The following USP5 variants were observed in gnomAD, a reference collection of about 807,000 sequenced individuals.
The protein encoded by USP5 is ubiquitin carboxyl-terminal hydrolase 5.
Under a neutral mutation model 102.5 loss-of-function variants are expected in USP5, and 24 were observed. The ratio of observed to expected loss-of-function variants is 0.23; its 90% CI spans 0.17 to 0.33. USP5 has a LOEUF of 0.33. Among genes scored for constraint, USP5 ranks in the 10% least tolerant of loss-of-function variants. USP5 has a pLI of 1.00. For missense variants in USP5, 753 were observed against 1,122.1 expected (o/e 0.67, Z 4.70); for synonymous variants, 460 against 434.8 (o/e 1.06, Z -0.72).
At position 6,855,711 on chromosome 12, in the gene USP5, C is replaced by T. The variant is rs1348677156; in HGVS notation, c.238-44C>T. 6.8e-6 allele frequency: 11 copies of T among 1,612,338 alleles called. No homozygotes were observed. Among genetic ancestry groups the T allele is most frequent in the Middle Eastern group, 1.6e-4 (1 of 6,080 alleles). ...CGTCCCTCCTCCCGACTTGTTCCTT[C>T]GCTCGTGCTCATTGCTGATCCAGCC... On this transcript the variant is annotated intron_variant, in intron 2 of 19. Coordinates refer to ENST00000229268, the MANE Select transcript of USP5 (RefSeq NM_001098536.2). The surrounding 1 kb of genome is among the most constrained non-coding windows in gnomAD (Gnocchi z 4.6).
chr12:6,852,315 A>AC lies in USP5; in HGVS notation c.111+26dup, dbSNP rs782350513. The AC allele has an allele frequency of 2.0e-5, 31 of 1,586,998 alleles. 1 individual carries two copies. Among genetic ancestry groups the AC allele is most frequent in the South Asian group, 3.4e-5 (3 of 87,346 alleles). On this transcript the variant is annotated intron_variant, in intron 1 of 19. Coordinates refer to ENST00000229268, the MANE Select transcript of USP5 (RefSeq NM_001098536.2). ...GGTAAGCCCATTCCCCACGCCCGCAACGAGCACGACTTCCTTCCATCGCCC... is the reference window on the plus strand; with the variant it reads ...GGTAAGCCCATTCCCCACGCCCGCAACCGAGCACGACTTCCTTCCATCGCCC...
Position 6,861,120 on chromosome 12 carries a change from T to A in USP5, c.1498+14T>A, listed in dbSNP as rs1944265331. The A allele has an allele frequency of 6.2e-7, 1 of 1,613,670 alleles. No individual in the cohort carries two copies. The highest frequency in any genetic ancestry group is 8.5e-7 in the Non-Finnish European group (1 of 1,179,744). On this transcript the variant is annotated intron_variant, in intron 12 of 19. Transcript: ENST00000229268. This position sits in a 1 kb window ranked among gnomAD's most constrained non-coding sequence, Gnocchi z 4.9. ...CCCTTAACAAAGGTAGGCTGCTCCA[T>A]CAGCAAGGCCGTGGCACGGTGGGAG...
intron 9 of USP5, 63 bp downstream of exon 9, chr12:6,859,604 C>G: frequency 1.3e-6 from 2 of 1,517,146 alleles, no homozygotes; most frequent in Non-Finnish European, 1.8e-6. Context: ...CTTCCTCCTC[C>G]CTGACCGCCT....
rs372791540 is a variant in USP5, at chr12:6,864,005, G to A, written c.2098+32G>A. 25 of 1,580,386 alleles carry A rather than the reference G, an allele frequency of 1.6e-5. No individual in the cohort carries two copies. Among genetic ancestry groups the A allele is most frequent in the Non-Finnish European group, 2.0e-5 (23 of 1,158,116 alleles). ...TGGGGTGGGGAGCAGGGTGGGGCAG[G>A]GCCTCCATCCTCCCCCAAACACATC... On this transcript the variant is annotated intron_variant, in intron 16 of 19. Coordinates refer to ENST00000229268, the MANE Select transcript of USP5 (RefSeq NM_001098536.2). The surrounding 1 kb of genome is among the most constrained non-coding windows in gnomAD (Gnocchi z 4.8).
chr12:6,862,160 G>A (rs1375037385), intron 13 of USP5, among the ~76,000 whole-genome samples: 2 of 151,678 alleles, frequency 1.3e-5, no homozygotes, highest in Admixed American at 1.3e-4. Context: ...GCCCAGGTTG[G>A]TCTCTTAACT....
In USP5 at chr12:6,860,546, T is replaced by G; in HGVS notation, c.1344+55T>G. On this transcript the variant is annotated intron_variant, in intron 11 of 19. Transcript: ENST00000229268. The surrounding 1 kb of genome is among the most constrained non-coding windows in gnomAD (Gnocchi z 5.5). ...TCTTCCTGCAATTTACTCGCTCTCC[T>G]TCCTGCCCATTTCTCCCTCTATCAG... 6.2e-7 allele frequency: 1 copy of G among 1,605,710 alleles called. No individual in the cohort carries two copies. Among genetic ancestry groups the G allele is most frequent in the Non-Finnish European group, 8.5e-7 (1 of 1,178,562 alleles).
In USP5 at chr12:6,864,164, G is replaced by A. The variant is rs181922891; in HGVS notation, c.2213G>A (p.Arg738Gln). 47 of 1,613,014 alleles carry A rather than the reference G, an allele frequency of 2.9e-5. No individual in the cohort carries two copies. Among genetic ancestry groups the A allele is most frequent in the Admixed American group, 1.7e-4 (10 of 59,840 alleles). Residue 738 changes from arginine (R) to glutamine (Q), a missense_variant, in exon 17 of 20, where the codon CGG becomes CAG. Coordinates refer to ENST00000229268, the MANE Select transcript of USP5 (RefSeq NM_001098536.2). This position sits in a 1 kb window ranked among gnomAD's most constrained non-coding sequence, Gnocchi z 4.8. ...VTTIVSMGFS[R>Q]DQALKALRAT... ...ACCATTGTCTCCATGGGCTTCTCCCGGGACCAGGCCTTGAAAGCGCTGCGG... is the reference window on the plus strand; with the variant it reads ...ACCATTGTCTCCATGGGCTTCTCCCAGGACCAGGCCTTGAAAGCGCTGCGG...
chr12:6,859,443 TC>T lies in USP5; in HGVS notation c.1059-25del, dbSNP rs781872539. 11 of 1,613,120 alleles carry T rather than the reference TC, an allele frequency of 6.8e-6. No homozygotes were observed. The South Asian group carries it at 1.2e-4, about 18-fold the overall frequency. ...TCCTCGGCGCTCAGGCCAGAGCCCC[TC>T]CAACTGTCCTTCCCTTGACTTTTAG... On this transcript the variant is annotated intron_variant, in intron 8 of 19. Transcript: ENST00000229268.
Position 6,855,560 on chromosome 12 carries a change from T to C in USP5, c.237+34T>C. On this transcript the variant is annotated intron_variant, in intron 2 of 19. Coordinates refer to ENST00000229268, the MANE Select transcript of USP5 (RefSeq NM_001098536.2). This position sits in a 1 kb window ranked among gnomAD's most constrained non-coding sequence, Gnocchi z 4.6. ...AGGGCTGGGGCAAGGCCTGGGTACA[T>C]TGTCTGTTCCATTCTGACCTCCTAT... is the stretch of plus-strand genomic sequence containing the variant. 1 of 1,612,170 alleles carries C rather than the reference T, an allele frequency of 6.2e-7. No individual in the cohort carries two copies. Among genetic ancestry groups the C allele is most frequent in the Non-Finnish European group, 8.5e-7 (1 of 1,179,356 alleles).
chr12:6,865,014 T>C (rs1343450734), intron 18 of USP5, 139 bp downstream of exon 18: 7 of 1,353,822 alleles, frequency 5.2e-6, no homozygotes, highest in Non-Finnish European at 7.0e-6. Flanking sequence ...AGGGTGGGGT[T>C]CTCTGACATG....
chr12:6,858,479 G>A lies in USP5; in HGVS notation c.920G>A (p.Trp307Ter). 6.2e-7 allele frequency: 1 copy of A among 1,613,004 alleles called. No individual in the cohort carries two copies. Among genetic ancestry groups the A allele is most frequent in the Non-Finnish European group, 8.5e-7 (1 of 1,179,042 alleles). The change falls in exon 8 of 20, where the codon TGG becomes TAG. Residue 307 changes from tryptophan (W) to a stop codon, truncating the protein, a stop_gained. Coordinates refer to ENST00000229268, the MANE Select transcript of USP5 (RefSeq NM_001098536.2). LOFTEE classifies it high-confidence loss of function. The surrounding 1 kb of genome is among the most constrained non-coding windows in gnomAD (Gnocchi z 4.2). ...GACATGAACCAGCGGATTGGTGAATGGGAGCTGATCCAGGAGTCAGGTGTG... is the reference window on the plus strand; with the variant it reads ...GACATGAACCAGCGGATTGGTGAATAGGAGCTGATCCAGGAGTCAGGTGTG... ...EIDMNQRIGEWELIQESGVPL... is the reference protein window; with the variant it reads ...EIDMNQRIGE
Position 6,856,648 on chromosome 12 carries a change from C to T in USP5, c.585-59C>T. ...GGGGGGCCTGCAGAGCCCTCTCTCT[C>T]TGCCACTCCCTCAAATCCCCGACCC... On this transcript the variant is annotated intron_variant, in intron 5 of 19. Transcript: ENST00000229268. The surrounding 1 kb of genome is among the most constrained non-coding windows in gnomAD (Gnocchi z 5.6). 2 of 1,593,096 alleles carry T rather than the reference C, an allele frequency of 1.3e-6. No individual in the cohort carries two copies. Among genetic ancestry groups the T allele is most frequent in the Non-Finnish European group, 1.7e-6 (2 of 1,170,612 alleles).
rs2226955 is a variant in USP5, at chr12:6,856,030, A to G, written c.318A>G (p.Gly106=). ...CTATCCTTCCAGGTGTTGAAGGCGG[A>G]TTTGACCTTAGCGAGGAGAAGTTTG... ...PTRLAIGVEG[G]FDLSEEKFEL... The change falls in exon 4 of 20, where the codon GGA becomes GGG. Residue 106 remains glycine, a synonymous_variant. Transcript: ENST00000229268. This position sits in a 1 kb window ranked among gnomAD's most constrained non-coding sequence, Gnocchi z 5.6. 540,987 of 1,613,808 alleles carry G rather than the reference A, an allele frequency of 0.34. 100,960 individuals are homozygous for G. The highest frequency in any genetic ancestry group is 0.78 in the African/African-American group (58,445 of 74,922).
Position 6,858,100 on chromosome 12 carries a change from G to A in USP5, c.865-324G>A, listed in dbSNP as rs782491866. ...GGCCTGGCCTAGTTTAGGGATCAGG[G>A]ACATTTCCCTGAGGAAGCGATGCTT... On this transcript the variant is annotated intron_variant, in intron 7 of 19. Transcript: ENST00000229268. The surrounding 1 kb of genome is among the most constrained non-coding windows in gnomAD (Gnocchi z 4.2). Among the ~76,000 whole-genome samples, 9 of 152,344 alleles carry A rather than the reference G, an allele frequency of 5.9e-5. No individual in the cohort carries two copies. Among genetic ancestry groups the A allele is most frequent in the African/African-American group, 1.4e-4 (6 of 41,584 alleles).
chr12:6,863,896 G>T lies in USP5; in HGVS notation c.2021G>T (p.Arg674Leu), dbSNP rs782070238. ...VEMGFPMDAC[R>L]KAVYYTGNSG... ...ATGGGATTCCCTATGGACGCCTGCC[G>T]CAAAGCTGTCTACTACACGGGCAAC... The change falls in exon 16 of 20, where the codon CGC becomes CTC. Residue 674 changes from arginine (R) to leucine (L), a missense_variant. Coordinates refer to ENST00000229268, the MANE Select transcript of USP5 (RefSeq NM_001098536.2). This position sits in a 1 kb window ranked among gnomAD's most constrained non-coding sequence, Gnocchi z 4.7. The T allele has an allele frequency of 1.2e-6, 2 of 1,612,122 alleles. No homozygotes were observed. Among genetic ancestry groups the T allele is most frequent in the Non-Finnish European group, 1.7e-6 (2 of 1,178,786 alleles).
Position 6,862,453 on chromosome 12 carries a change from C to G in USP5, c.1674-17C>G. On this transcript the variant is annotated splice_polypyrimidine_tract_variant and intron_variant, in intron 13 of 19. Coordinates refer to ENST00000229268, the MANE Select transcript of USP5 (RefSeq NM_001098536.2). Reference sequence around the variant, plus strand: ...CCTGGGGATTGTCTGGGTACCAGCACAGTCTCTCTTCCCTAGGACCACACG... The same window carrying G: ...CCTGGGGATTGTCTGGGTACCAGCAGAGTCTCTCTTCCCTAGGACCACACG... 2 of 1,610,088 alleles carry G rather than the reference C, an allele frequency of 1.2e-6. No individual in the cohort carries two copies. The highest frequency in any genetic ancestry group is 1.7e-6 in the Non-Finnish European group (2 of 1,176,378).
chr12:6,860,571 G>A lies in USP5; in HGVS notation c.1344+80G>A. On this transcript the variant is annotated intron_variant, in intron 11 of 19. Coordinates refer to ENST00000229268, the MANE Select transcript of USP5 (RefSeq NM_001098536.2). The surrounding 1 kb of genome is among the most constrained non-coding windows in gnomAD (Gnocchi z 5.5). ...TTCCTGCCCATTTCTCCCTCTATCA[G>A]CCCCAACCCAGTCCCATCCCTGAAC... 1 of 1,591,016 alleles carries A rather than the reference G, an allele frequency of 6.3e-7. No individual in the cohort carries two copies. The highest frequency in any genetic ancestry group is 1.7e-5 in the Admixed American group (1 of 59,638).
In USP5 at chr12:6,856,954, G is replaced by T; in HGVS notation, c.769+63G>T. On this transcript the variant is annotated intron_variant, in intron 6 of 19. Transcript: ENST00000229268. The surrounding 1 kb of genome is among the most constrained non-coding windows in gnomAD (Gnocchi z 5.6). ...ATATATTTCATTTGTTAGTAATTTC[G>T]TGTGACATGTATAATACATGAATGC... is the stretch of plus-strand genomic sequence containing the variant. 6.4e-7 allele frequency: 1 copy of T among 1,564,230 alleles called. No individual in the cohort carries two copies. Among genetic ancestry groups the T allele is most frequent in the East Asian group, 2.3e-5 (1 of 43,708 alleles).
chr12:6,852,393 A>G, intron 1 of USP5, 103 bp downstream of exon 1: 1 of 1,163,284 alleles, frequency 8.6e-7, no homozygotes, highest in Non-Finnish European at 1.2e-6. Flanking sequence ...CCTGCGATGC[A>G]CCATGGGACT....
Sources: allele counts gnomAD v4.1 joint callset (sites outside exome capture counted in the v4.1 genomes callset), GRCh38; gene constraint gnomAD v4.1.1; non-coding constraint Gnocchi (gnomAD v3.1); transcripts MANE v1.5; gene names NCBI Gene and HGNC (gene_info 2026-07-23, HGNC 2026-07-21).